Variants in SIPA1L2 observed in about 807,000 individuals in gnomAD.
SIPA1L2 encodes the protein signal induced proliferation associated 1 like 2.
Under a neutral mutation model 163.9 loss-of-function variants are expected in SIPA1L2, and 56 were observed. The observed-to-expected ratio is 0.34, with a 90% CI of 0.28 to 0.43. The LOEUF is 0.43. SIPA1L2 is among the 20% of genes least tolerant of loss of function. SIPA1L2 has a pLI of 1.00. For synonymous variants in SIPA1L2, 877 were observed against 865.7 expected (o/e 1.01, Z -0.23); for missense variants, 1,974 against 2,193.5 (o/e 0.90, Z 2.00).
intron 10 of SIPA1L2, among the ~76,000 whole-genome samples, chr1:232,448,541 A>C (rs1015901417): frequency 8.5e-5 from 13 of 152,222 alleles, no homozygotes; most frequent in Non-Finnish European, 1.6e-4. Flanking sequence ...AAACAGAAAC[A>C]ACCTCAACTG....
At chr1:232,587,571 A>C (rs557625914) in intron 1 of SIPA1L2, among the ~76,000 whole-genome samples, 5 of 152,214 alleles carry the variant, frequency 3.3e-5, no homozygotes, top group African/African-American at 9.6e-5. Context: ...GCATGTAAAA[A>C]TGTGTGTACC....
chr1:232,441,616 C>A (rs1013452277), intron 13 of SIPA1L2, 152 bp downstream of exon 13: 2 of 742,914 alleles, frequency 2.7e-6, no homozygotes, highest in Admixed American at 4.8e-5. Flanking sequence ...ATGACCACAC[C>A]CCCTCCTGCA....
chr1:232,546,720 A>G (rs1181657460), intron 2 of SIPA1L2, among the ~76,000 whole-genome samples: 1 of 152,238 alleles, frequency 6.6e-6, no homozygotes, highest in East Asian at 1.9e-4. Context: ...ACAACAGCTC[A>G]GTTCCTAAAA....
chr1:232,411,806 CTT>C (rs931984160), intron 19 of SIPA1L2, among the ~76,000 whole-genome samples: 1 of 152,130 alleles, frequency 6.6e-6, no homozygotes, highest in Non-Finnish European at 1.5e-5. Context: ...AAAAATTGCT[CTT>C]GTCATATTCA....
intron 18 of SIPA1L2, among the ~76,000 whole-genome samples, chr1:232,416,084 G>A (rs1186373997): frequency 2.5e-5 from 2 of 79,886 alleles, no homozygotes; most frequent in African/African-American, 8.3e-5. Context: ...GTCAGAACAC[G>A]GGCACCACTG....
Position 232,493,675 on chromosome 1 carries a change from A to G in SIPA1L2, c.1484-15T>C. 6.2e-7 allele frequency: 1 copy of G among 1,613,432 alleles called. No individual in the cohort carries two copies. Among genetic ancestry groups the G allele is most frequent in the Non-Finnish European group, 8.5e-7 (1 of 1,179,780 alleles). On this transcript the variant is annotated splice_polypyrimidine_tract_variant and intron_variant, in intron 3 of 22. Transcript: ENST00000674635. ...GTTTTGGTGCTCTATAATGGAAGAG[A>G]GAGGGTGGCATCAAAAGAATGAAAA...
At chr1:232,448,058 T>C (rs1387445736) in intron 10 of SIPA1L2, among the ~76,000 whole-genome samples, 1 of 152,176 alleles carries the variant, frequency 6.6e-6, no homozygotes, top group East Asian at 1.9e-4. Flanking sequence ...GTTGCTCTCT[T>C]AAACTGGCAT....
intron 18 of SIPA1L2, among the ~76,000 whole-genome samples, chr1:232,419,717 T>C (rs751052536): frequency 6.6e-6 from 1 of 152,170 alleles, no homozygotes; most frequent in Non-Finnish European, 1.5e-5. Context: ...CTGAACAGCC[T>C]GAAGAACCAA....
chr1:232,567,046 A>T (rs1659445430), intron 2 of SIPA1L2, among the ~76,000 whole-genome samples: 1 of 152,188 alleles, frequency 6.6e-6, no homozygotes, highest in Non-Finnish European at 1.5e-5. Flanking sequence ...AAATACGACT[A>T]ATGGATGACT....
Position 232,423,595 on chromosome 1 carries a change from G to A in SIPA1L2, c.4630+1994C>T, listed in dbSNP as rs555654309. 2.0e-4 allele frequency among the ~76,000 whole-genome samples: 31 copies of A among 152,292 alleles called. 1 individual carries two copies. In the South Asian group the frequency reaches 6.2e-3, roughly 31 times the overall value. Reference sequence around the variant, plus strand: ...AAATAAGAAGGTTTCTTTAAAGAGAGCAAATGGCAAGGAAAACTCTTAGTG... The same window carrying A: ...AAATAAGAAGGTTTCTTTAAAGAGAACAAATGGCAAGGAAAACTCTTAGTG... On this transcript the variant is annotated intron_variant, in intron 18 of 22. Coordinates refer to ENST00000674635, the MANE Select transcript of SIPA1L2 (RefSeq NM_020808.5).
chr1:232,428,241 C>T (rs1662015947), intron 17 of SIPA1L2, among the ~76,000 whole-genome samples, 170 bp downstream of exon 17: 1 of 151,862 alleles, frequency 6.6e-6, no homozygotes, highest in East Asian at 1.9e-4. Context: ...CCTTCACATA[C>T]TGATACAATC....
intron 2 of SIPA1L2, among the ~76,000 whole-genome samples, chr1:232,521,248 C>T (rs1480042909): frequency 6.6e-6 from 1 of 152,176 alleles, no homozygotes; most frequent in Non-Finnish European, 1.5e-5. Flanking sequence ...AAAGTTCACA[C>T]TGGTGTTAGG....
intron 1 of SIPA1L2, among the ~76,000 whole-genome samples, chr1:232,588,865 G>A (rs1462810867): frequency 1.3e-5 from 2 of 152,110 alleles, no homozygotes; most frequent in South Asian, 2.1e-4. Flanking sequence ...TATTTTTCAC[G>A]AAAGTATTAT....
At chr1:232,575,617 T>TA (rs538441525) in intron 1 of SIPA1L2, among the ~76,000 whole-genome samples, 20 of 147,256 alleles carry the variant, frequency 1.4e-4, no homozygotes, top group South Asian at 2.1e-4. Flanking sequence ...AGTGGGTACC[T>TA]AAAAAAAAAA....
chr1:232,466,217 G>A (rs980969862), intron 8 of SIPA1L2, among the ~76,000 whole-genome samples: 2 of 152,126 alleles, frequency 1.3e-5, no homozygotes, highest in Non-Finnish European at 2.9e-5. Context: ...AGTGACGTGG[G>A]ACAGAGTGAT....
At chr1:232,559,923 A>G (rs1420352090) in intron 2 of SIPA1L2, among the ~76,000 whole-genome samples, 2 of 152,352 alleles carry the variant, frequency 1.3e-5, no homozygotes, top group East Asian at 3.9e-4. Context: ...CATCAAGGAA[A>G]TAAAAGTTCA....
intron 10 of SIPA1L2, 52 bp from the exon 11 acceptor site, chr1:232,445,838 A>G (rs772071209): frequency 6.3e-7 from 1 of 1,578,624 alleles, no homozygotes; most frequent in Non-Finnish European, 8.6e-7. Flanking sequence ...CTGAGCTGTC[A>G]GCATGGCTTA....
intron 2 of SIPA1L2, among the ~76,000 whole-genome samples, chr1:232,538,424 T>TCCGCATTGCGGAAA (rs1196027712): frequency 1.3e-5 from 2 of 152,170 alleles, no homozygotes; most frequent in African/African-American, 2.4e-5. Flanking sequence ...AAAGAATGCC[T>TCCGCATTGCGGAAA]GGTGCCTCCG....
At chr1:232,487,661 C>A (rs1029630586) in intron 5 of SIPA1L2, among the ~76,000 whole-genome samples, 6 of 152,014 alleles carry the variant, frequency 3.9e-5, no homozygotes, top group Non-Finnish European at 8.8e-5. Flanking sequence ...GAACTGCAGA[C>A]GTGAAATTAT....
Sources: gnomAD v4.1 joint callset for allele counts (sites outside exome capture counted in the v4.1 genomes callset) on GRCh38, gnomAD v4.1.1 for gene constraint, MANE v1.5 for transcripts, NCBI Gene and HGNC (gene_info 2026-07-23, HGNC 2026-07-21) for gene names.